Variants in PATL1 observed in about 807,000 individuals in gnomAD.
The protein encoded by PATL1 is protein PAT1 homolog 1.
In PATL1, 32 loss-of-function variants were observed where a neutral mutation model predicts 100.6. That is an observed-to-expected ratio of 0.32 (90% CI 0.24 to 0.43). PATL1 has a LOEUF of 0.43. Ranked by LOEUF, PATL1 falls within the 20% of genes least tolerant of loss-of-function variation. The probability of loss-of-function intolerance (pLI) is 1.00; values close to 1 mark genes in which losing one functional copy is unlikely to be tolerated. For missense variants in PATL1, 747 were observed against 949.9 expected, an observed-to-expected ratio of 0.79 and a Z score of 2.81; for synonymous variants, 332 against 330.0, an observed-to-expected ratio of 1.01 and a Z score of -0.07.
At chr11:59,650,884 T>A in intron 12 of PATL1, 71 bp from the exon 13 acceptor site, 2 of 1,059,336 alleles carry the variant, frequency 1.9e-6, no homozygotes, top group South Asian at 1.5e-5. Flanking sequence ...TGCGCATTTG[T>A]AGGTTCATTT....
chr11:59,649,013 A>T (rs1208862935), intron 14 of PATL1, among the ~76,000 whole-genome samples: 2 of 152,252 alleles, frequency 1.3e-5, no homozygotes, highest in African/African-American at 4.8e-5. Context: ...GGGATTCCCC[A>T]TTGGAAGACT....
chr11:59,656,680 G>GAACTCAAT, intron 5 of PATL1, 80 bp from the exon 6 acceptor site: 1 of 1,228,056 alleles, frequency 8.1e-7, no homozygotes, highest in Non-Finnish European at 1.2e-6. Context: ...CTCAAGTACT[G>GAACTCAAT]GTAGAGACAC....
At chr11:59,652,397 T>C in intron 11 of PATL1, 67 bp downstream of exon 11, 1 of 1,541,352 alleles carries the variant, frequency 6.5e-7, no homozygotes, top group South Asian at 1.2e-5. Context: ...CACTTGTCTA[T>C]ATTTAATCAC....
In PATL1 at chr11:59,637,369, C is replaced by A. The variant is rs193013565; in HGVS notation, c.*1021G>T. On this transcript the variant is annotated 3_prime_UTR_variant, in exon 19 of 19. Transcript: ENST00000300146. ...TGCCCATGGTGTGGAGACTAAAAAG[C>A]AAAGCAGGCCAAACTTAGCTTCCAT... is the stretch of plus-strand genomic sequence containing the variant. The A allele has an allele frequency of 2.6e-4, 40 of 152,706 alleles. No individual in the cohort carries two copies. The highest frequency in any genetic ancestry group is 9.1e-4 in the African/African-American group (38 of 41,562). The allele number at this position is 152,706 out of a possible 1,614,324, so 9.5% of individuals were successfully genotyped here.
chr11:59,647,222 CAAAAAAAAA>C (rs1175300355), intron 15 of PATL1, among the ~76,000 whole-genome samples: 5 of 60,496 alleles, frequency 8.3e-5, no homozygotes, highest in Non-Finnish European at 1.7e-4. Context: ...AACTCTGTCT[CAAAAAAAAA>C]AAAAAAAAAA....
chr11:59,644,885 GTTTCCT>G (rs1449364954), intron 15 of PATL1, among the ~76,000 whole-genome samples: 100 of 73,290 alleles, frequency 1.4e-3, no homozygotes, highest in African/African-American at 4.7e-3. Flanking sequence ...GGGAGACTTC[GTTTCCT>G]TTTTTTTTTT....
intron 2 of PATL1, among the ~76,000 whole-genome samples, chr11:59,661,856 T>C (rs1009386385): frequency 6.6e-6 from 1 of 152,248 alleles, no homozygotes; most frequent in African/African-American, 2.4e-5. Context: ...CTCATTCTTT[T>C]TAATACCTAC....
At chr11:59,642,859 G>T (rs772413725) in intron 16 of PATL1, 21 bp downstream of exon 16, 6 of 1,602,632 alleles carry the variant, frequency 3.7e-6, no homozygotes, top group Non-Finnish European at 3.4e-6. Flanking sequence ...AAAGTTCAAG[G>T]AGTTAAAAGG....
At chr11:59,657,235 T>C in intron 5 of PATL1, 1 of 729,828 alleles carries the variant, frequency 1.4e-6, no homozygotes, top group Non-Finnish European at 1.7e-6. Flanking sequence ...CTTTCAGTTA[T>C]CTCTCTGACA....
intron 16 of PATL1, among the ~76,000 whole-genome samples, chr11:59,641,187 A>G (rs1315526496): frequency 6.6e-6 from 1 of 151,692 alleles, no homozygotes; most frequent in African/African-American, 2.4e-5. Context: ...AAAAAAGTCA[A>G]TCAGGCATGG....
At chr11:59,663,213 G>A (rs1488737380) in intron 2 of PATL1, among the ~76,000 whole-genome samples, 1 of 151,874 alleles carries the variant, frequency 6.6e-6, no homozygotes. Flanking sequence ...CCGTAATAAC[G>A]AACTAACCTA....
intron 16 of PATL1, among the ~76,000 whole-genome samples, chr11:59,641,176 A>G (rs1487915404): frequency 6.6e-6 from 1 of 151,172 alleles, no homozygotes; most frequent in Non-Finnish European, 1.5e-5. Flanking sequence ...GTCTCAAAAA[A>G]AAAAAAGTCA....
chr11:59,653,531 T>C (rs188813988), intron 9 of PATL1, among the ~76,000 whole-genome samples: 311 of 152,118 alleles, frequency 2.0e-3, no homozygotes, highest in Admixed American at 4.9e-3. Flanking sequence ...CAAGACCCAA[T>C]AGAAAAAAAT....
chr11:59,667,560 CTACAATCAGTGTGAACATGGGCAACT>C (rs1433215243), intron 1 of PATL1, among the ~76,000 whole-genome samples: 1 of 152,212 alleles, frequency 6.6e-6, no homozygotes, highest in Non-Finnish European at 1.5e-5. Flanking sequence ...GGCTCCATTC[CTACAATCAGTGTGAACATGGGCAACT>C]CAGAAAATTT....
rs2134752773 is a variant in PATL1, at chr11:59,655,520, T to C, written c.1031+3A>G. The C allele has an allele frequency of 6.4e-7, 1 of 1,557,974 alleles. No individual in the cohort carries two copies. Among genetic ancestry groups the C allele is most frequent in the Non-Finnish European group, 8.7e-7 (1 of 1,149,294 alleles). ...GATAAACAGTGGCGTTGATTTTGTA[T>C]ACCTTAGGTTTTGCAGGTGGGGTCC... On this transcript the variant is annotated splice_donor_region_variant and intron_variant, in intron 8 of 18. Coordinates refer to ENST00000300146, the MANE Select transcript of PATL1 (RefSeq NM_152716.3).
In PATL1 at chr11:59,652,514, G is replaced by C; in HGVS notation, c.1376C>G (p.Thr459Ser). ...IQGDGPKKER[T>S]KLITPQVAKL... The stretch of plus-strand genomic sequence containing the variant: ...GGCCACCTGAGGGGTGATAAGCTTG[G>C]TGCGCTCCTTCTTAGGGCCATCACC... Residue 459 changes from threonine (T) to serine (S), a missense_variant, in exon 11 of 19, where the codon ACC becomes AGC. Thr to Ser is a moderately conservative substitution (Grantham distance 58). This residue lies in a region of PATL1 where 434 missense variants were observed against 596.1 expected (regional missense o/e 0.73). Coordinates refer to ENST00000300146, the MANE Select transcript of PATL1 (RefSeq NM_152716.3). The C allele has an allele frequency of 6.2e-7, 1 of 1,613,948 alleles. No homozygotes were observed. Among genetic ancestry groups the C allele is most frequent in the African/African-American group, 1.3e-5 (1 of 75,042 alleles).
chr11:59,639,622 G>A (rs1248659614), intron 16 of PATL1: 1 of 444,144 alleles, frequency 2.3e-6, no homozygotes, highest in Admixed American at 3.9e-5. Flanking sequence ...GGAAAGTCAT[G>A]GTGTCCAACA....
rs750390194 is a variant in PATL1, at chr11:59,656,052, T to TAAAA, written c.724-11_724-8dup. 2.0e-5 allele frequency: 15 copies of TAAAA among 767,034 alleles called. No individual in the cohort carries two copies. The highest frequency in any genetic ancestry group is 9.6e-5 in the South Asian group (3 of 31,192). 47.5% of individuals were successfully genotyped at this position (767,034 alleles called of 1,614,324 possible). ...GACCCAGGAGGGAAGAGTTCTAAGG[T>TAAAA]AAAAAAAAAAAAAAAAAAAAGAATA... is the stretch of plus-strand genomic sequence containing the variant. On this transcript the variant is annotated splice_polypyrimidine_tract_variant and splice_region_variant and intron_variant, in intron 6 of 18. Coordinates refer to ENST00000300146, the MANE Select transcript of PATL1 (RefSeq NM_152716.3).
intron 14 of PATL1, among the ~76,000 whole-genome samples, 193 bp from the exon 15 acceptor site, chr11:59,648,106 T>C (rs1861388287): frequency 6.6e-6 from 1 of 151,648 alleles, no homozygotes; most frequent in Non-Finnish European, 1.5e-5. Flanking sequence ...CTTACAAATG[T>C]AGAAAATAAT....
Sources: allele counts gnomAD v4.1 joint callset (sites outside exome capture counted in the v4.1 genomes callset), GRCh38; gene constraint gnomAD v4.1.1; regional missense constraint gnomAD v4.1.1; transcripts MANE v1.5; gene names NCBI Gene and HGNC (gene_info 2026-07-23, HGNC 2026-07-21).